Variants in OR9Q1 observed in about 807,000 individuals in gnomAD.
OR9Q1 encodes the protein olfactory receptor 9Q1.
For synonymous variants in OR9Q1, 153 were observed against 148.6 expected (o/e 1.03, Z -0.22); for missense variants, 374 against 378.8 (o/e 0.99, Z 0.11).
chr11:58,108,413 C>T (rs1306383869), intron 2 of OR9Q1, among the ~76,000 whole-genome samples: 1 of 152,078 alleles, frequency 6.6e-6, no homozygotes, highest in Non-Finnish European at 1.5e-5. Context: ...ATATGGTAAT[C>T]AGTTCGCTTA....
At chr11:58,041,969 A>C (rs1853169206) in intron 1 of OR9Q1, among the ~76,000 whole-genome samples, 1 of 152,220 alleles carries the variant, frequency 6.6e-6, no homozygotes, top group African/African-American at 2.4e-5. Context: ...GATCCCTTTA[A>C]ATTGACCAAC....
chr11:58,108,079 A>G (rs1034372204), intron 2 of OR9Q1, among the ~76,000 whole-genome samples: 11 of 152,206 alleles, frequency 7.2e-5, no homozygotes, highest in Non-Finnish European at 1.0e-4. Flanking sequence ...TCACTTAAGA[A>G]GAAGATATTA....
chr11:58,040,094 C>A (rs1853146136), intron 1 of OR9Q1, among the ~76,000 whole-genome samples: 1 of 152,146 alleles, frequency 6.6e-6, no homozygotes, highest in African/African-American at 2.4e-5. Flanking sequence ...AGTCACCCAG[C>A]AAAGTAGGTG....
At position 58,180,519 on chromosome 11, in the gene OR9Q1, C is replaced by T. The variant is rs1854655269; in HGVS notation, c.*142C>T. 1 of 501,996 alleles carries T rather than the reference C, an allele frequency of 2.0e-6. No homozygotes were observed. Among genetic ancestry groups the T allele is most frequent in the African/African-American group, 1.9e-5 (1 of 51,794 alleles). The allele number at this position is 501,996 out of a possible 1,614,324, so 31.1% of individuals were successfully genotyped here. ...AAAAAAGAACCAGAACTTTTAGCTCCAGGGAGAGGAAGGAAGACAAGGAAA... is the reference window on the plus strand; with the variant it reads ...AAAAAAGAACCAGAACTTTTAGCTCTAGGGAGAGGAAGGAAGACAAGGAAA... On this transcript the variant is annotated 3_prime_UTR_variant, in exon 3 of 3. Transcript: ENST00000335397.
intron 2 of OR9Q1, among the ~76,000 whole-genome samples, chr11:58,098,490 A>G (rs1304455187): frequency 2.6e-5 from 4 of 152,058 alleles, no homozygotes; most frequent in Admixed American, 1.3e-4. Flanking sequence ...TTTTCAAGGG[A>G]CAAAAATTAA....
intron 2 of OR9Q1, among the ~76,000 whole-genome samples, chr11:58,137,568 C>T (rs1854201315): frequency 1.3e-5 from 2 of 152,112 alleles, no homozygotes; most frequent in African/African-American, 4.8e-5. Flanking sequence ...TATGTAAAGC[C>T]ACTAGAAAAG....
chr11:58,048,599 G>A (rs1434594374), intron 1 of OR9Q1, among the ~76,000 whole-genome samples: 2 of 150,966 alleles, frequency 1.3e-5, no homozygotes, highest in East Asian at 3.9e-4. Flanking sequence ...AACTCAGGAG[G>A]TGGAGGTTGC....
intron 2 of OR9Q1, among the ~76,000 whole-genome samples, chr11:58,069,931 T>C (rs1407188486): frequency 6.6e-6 from 1 of 151,884 alleles, no homozygotes; most frequent in Non-Finnish European, 1.5e-5. Context: ...CTCTCCAAAC[T>C]CTGGGTCTTG....
At chr11:58,138,641 A>AT (rs1565087393) in intron 2 of OR9Q1, among the ~76,000 whole-genome samples, 1 of 152,098 alleles carries the variant, frequency 6.6e-6, no homozygotes, top group Non-Finnish European at 1.5e-5. Flanking sequence ...TCATACGTGT[A>AT]TTTTTATTAT....
At chr11:58,146,889 T>G (rs1412295207) in intron 2 of OR9Q1, among the ~76,000 whole-genome samples, 3 of 152,222 alleles carry the variant, frequency 2.0e-5, no homozygotes, top group African/African-American at 7.2e-5. Flanking sequence ...GCGAATTCCA[T>G]AGAAACTGTC....
At chr11:58,120,992 T>C (rs1372754195) in intron 2 of OR9Q1, among the ~76,000 whole-genome samples, 1 of 152,022 alleles carries the variant, frequency 6.6e-6, no homozygotes, top group Non-Finnish European at 1.5e-5. Context: ...GTCTTCTCTA[T>C]ATTTTGACTA....
chr11:58,144,211 A>T (rs1854278080), intron 2 of OR9Q1, among the ~76,000 whole-genome samples: 1 of 115,138 alleles, frequency 8.7e-6, no homozygotes, highest in South Asian at 3.0e-4. Flanking sequence ...CCGGTGTGTG[A>T]TGTTCCCCTT....
At chr11:58,097,394 T>A (rs1409066996) in intron 2 of OR9Q1, among the ~76,000 whole-genome samples, 6 of 152,222 alleles carry the variant, frequency 3.9e-5, no homozygotes. Context: ...TAGATGTGTA[T>A]TTAACATTAT....
chr11:58,146,505 A>AATATTTTAAGTAT (rs1483886879), intron 2 of OR9Q1, among the ~76,000 whole-genome samples: 1 of 152,202 alleles, frequency 6.6e-6, no homozygotes, highest in African/African-American at 2.4e-5. Flanking sequence ...TTAAGTTTAG[A>AATATTTTAAGTAT]GTAATAAATA....
chr11:58,152,475 A>T (rs923686738), intron 2 of OR9Q1, among the ~76,000 whole-genome samples: 1 of 152,076 alleles, frequency 6.6e-6, no homozygotes, highest in African/African-American at 2.4e-5. Flanking sequence ...TTACCTCATT[A>T]TTTTAGTTTG....
chr11:58,144,032 T>G (rs1854275550), intron 2 of OR9Q1, among the ~76,000 whole-genome samples: 1 of 152,024 alleles, frequency 6.6e-6, no homozygotes, highest in Non-Finnish European at 1.5e-5. Context: ...TTTATTTTAT[T>G]TTATTATTAT....
At chr11:58,126,036 G>C (rs1854087245) in intron 2 of OR9Q1, among the ~76,000 whole-genome samples, 1 of 152,196 alleles carries the variant, frequency 6.6e-6, no homozygotes, top group Non-Finnish European at 1.5e-5. Context: ...TTTCAAGGAA[G>C]AGTGATTATT....
At chr11:58,082,610 G>A (rs1258961471) in intron 2 of OR9Q1, among the ~76,000 whole-genome samples, 1 of 64,430 alleles carries the variant, frequency 1.6e-5, no homozygotes, top group Admixed American at 2.0e-4. Flanking sequence ...GTGGGGGGAG[G>A]GGGGAGGGAT....
chr11:58,059,400 T>TA (rs916645489), intron 2 of OR9Q1, among the ~76,000 whole-genome samples: 10 of 151,420 alleles, frequency 6.6e-5, no homozygotes, highest in African/African-American at 2.4e-4. Flanking sequence ...ATGATCAAAT[T>TA]AAAAAAAATT....
Sources: gnomAD v4.1 joint callset for allele counts (sites outside exome capture counted in the v4.1 genomes callset) on GRCh38, gnomAD v4.1.1 for gene constraint, MANE v1.5 for transcripts, NCBI Gene and HGNC (gene_info 2026-07-23, HGNC 2026-07-21) for gene names.